DPP10: variants seen among roughly 807,000 people sequenced by gnomAD.
DPP10 encodes inactive dipeptidyl peptidase 10.
Under a neutral mutation model 120.9 loss-of-function variants are expected in DPP10, and 33 were observed. The observed-to-expected ratio is 0.27, with a 90% confidence interval of 0.21 to 0.37. DPP10 has a LOEUF of 0.37. Ranked by LOEUF, DPP10 falls within the 10% of genes least tolerant of loss-of-function variation. DPP10 has a pLI of 1.00. For synonymous variants in DPP10, 337 were observed against 326.1 expected, an observed-to-expected ratio of 1.03 and a Z score of -0.36; for missense variants, 816 against 942.8, an observed-to-expected ratio of 0.87 and a Z score of 1.76.
chr2:115,208,485 CA>C (rs1228170201), intron 1 of DPP10, among the ~76,000 whole-genome samples: 1 of 152,134 alleles, frequency 6.6e-6, no homozygotes, highest in African/African-American at 2.4e-5. Context: ...GGTCTCATAG[CA>C]GAAGAGAAAT....
chr2:114,480,195 G>A (rs1446563372), intron 1 of DPP10, among the ~76,000 whole-genome samples: 11 of 151,104 alleles, frequency 7.3e-5, no homozygotes, highest in Non-Finnish European at 1.5e-4. Context: ...TCATTAAAAA[G>A]TCAGGAAACA....
At chr2:115,772,708 C>T (rs1379789097) in intron 13 of DPP10, among the ~76,000 whole-genome samples, 1 of 152,134 alleles carries the variant, frequency 6.6e-6, no homozygotes, top group Non-Finnish European at 1.5e-5. Context: ...GTTATGTTGA[C>T]TTCAAACTTC....
intron 1 of DPP10, among the ~76,000 whole-genome samples, chr2:114,862,072 A>G (rs557097975): frequency 2.6e-5 from 4 of 152,320 alleles, no homozygotes; most frequent in African/African-American, 9.6e-5. Flanking sequence ...TTTATTAAAA[A>G]TACCTGTAAA....
Position 114,689,486 on chromosome 2 carries a change from A to G in DPP10, c.60+246648A>G, listed in dbSNP as rs572013903. ...ATATTCCTTATTCAATCTATCATTGATGGGCATTTAGGTTGATTCCCTGTC... is the reference window on the plus strand; with the variant it reads ...ATATTCCTTATTCAATCTATCATTGGTGGGCATTTAGGTTGATTCCCTGTC... On this transcript the variant is annotated intron_variant, in intron 1 of 25. Coordinates refer to ENST00000410059, the MANE Select transcript of DPP10 (RefSeq NM_020868.6). 1.1e-3 allele frequency among the ~76,000 whole-genome samples: 161 copies of G among 152,122 alleles called. 1 individual carries two copies. The highest frequency in any genetic ancestry group is 2.1e-3 in the Non-Finnish European group (146 of 67,950).
chr2:115,608,544 A>T (rs576418412), intron 5 of DPP10, among the ~76,000 whole-genome samples: 1 of 152,288 alleles, frequency 6.6e-6, no homozygotes, highest in Non-Finnish European at 1.5e-5. Flanking sequence ...AGTTGTTCCA[A>T]ATAAAATGGG....
intron 1 of DPP10, among the ~76,000 whole-genome samples, chr2:114,564,849 CTGTT>C: frequency 6.6e-6 from 1 of 152,214 alleles, no homozygotes; most frequent in Middle Eastern, 3.4e-3. Flanking sequence ...CTGTGGTGCA[CTGTT>C]TGTTTTGTTT....
chr2:114,462,972 C>T (rs558311708), intron 1 of DPP10, among the ~76,000 whole-genome samples: 2 of 152,282 alleles, frequency 1.3e-5, no homozygotes, highest in African/African-American at 2.4e-5. Flanking sequence ...CTTTCTGATA[C>T]CATCATAAGC....
At chr2:114,892,804 A>G (rs1692648463) in intron 1 of DPP10, among the ~76,000 whole-genome samples, 1 of 152,072 alleles carries the variant, frequency 6.6e-6, no homozygotes, top group South Asian at 2.1e-4. Flanking sequence ...TATCTTTTTT[A>G]TGTGGACAAG....
At chr2:115,813,515 AC>A (rs1225077763) in intron 19 of DPP10, among the ~76,000 whole-genome samples, 1 of 152,194 alleles carries the variant, frequency 6.6e-6, no homozygotes, top group Non-Finnish European at 1.5e-5. Flanking sequence ...TTTTTAAAGG[AC>A]CTATCTCCAA....
intron 1 of DPP10, among the ~76,000 whole-genome samples, chr2:115,303,404 G>T (rs1178337010): frequency 5.9e-5 from 9 of 151,778 alleles, no homozygotes; most frequent in Admixed American, 4.6e-4. Context: ...AGAAGGAAAA[G>T]AAATGCACAT....
At chr2:115,031,041 T>C (rs1396735195) in intron 1 of DPP10, among the ~76,000 whole-genome samples, 1 of 152,184 alleles carries the variant, frequency 6.6e-6, no homozygotes, top group Non-Finnish European at 1.5e-5. Flanking sequence ...AAACTGGAAG[T>C]TCCTTTTGCA....
rs115152630 is a variant in DPP10, at chr2:115,135,956, C to G, written c.61-173283C>G. 3.4e-3 allele frequency among the ~76,000 whole-genome samples: 511 copies of G among 152,146 alleles called. 2 individuals carry two copies. Among genetic ancestry groups the G allele is most frequent in the African/African-American group, 0.012 (490 of 41,500 alleles). On this transcript the variant is annotated intron_variant, in intron 1 of 25. Transcript: ENST00000410059. ...CCTTGAGCTTGAGCAGTCAGGCTTG[C>G]TAATTTGACCTCCTATTGTCATTTA...
intron 1 of DPP10, among the ~76,000 whole-genome samples, chr2:114,569,382 C>G (rs1057221297): frequency 6.6e-6 from 1 of 152,172 alleles, no homozygotes; most frequent in Admixed American, 6.5e-5. Flanking sequence ...AATAAACACT[C>G]CCAACTTTGC....
chr2:115,697,995 A>C (rs564960218), intron 7 of DPP10, among the ~76,000 whole-genome samples: 8 of 152,086 alleles, frequency 5.3e-5, no homozygotes, highest in Non-Finnish European at 1.2e-4. Flanking sequence ...CAAATAAATA[A>C]ACAAATAAAA....
intron 1 of DPP10, among the ~76,000 whole-genome samples, chr2:114,966,761 G>A (rs886813772): frequency 1.3e-5 from 2 of 152,344 alleles, no homozygotes; most frequent in Non-Finnish European, 2.9e-5. Flanking sequence ...ACAAGAGAAG[G>A]CTGGGTGCAG....
intron 1 of DPP10, among the ~76,000 whole-genome samples, chr2:114,978,880 T>C (rs2104840566): frequency 6.6e-6 from 1 of 152,258 alleles, no homozygotes; most frequent in African/African-American, 2.4e-5. Context: ...GAATTATAGT[T>C]ATTTCCTTCT....
At chr2:114,536,461 A>T (rs1290934019) in intron 1 of DPP10, among the ~76,000 whole-genome samples, 2 of 134,406 alleles carry the variant, frequency 1.5e-5, no homozygotes, top group African/African-American at 2.9e-5. Context: ...GCTGGAGTGC[A>T]GTGGTGCCAT....
chr2:114,981,999 A>C (rs1475926589), intron 1 of DPP10, among the ~76,000 whole-genome samples: 2 of 151,374 alleles, frequency 1.3e-5, no homozygotes, highest in African/African-American at 4.9e-5. Context: ...GGTTCAAGTG[A>C]TCCTCCCACC....
At chr2:114,529,567 A>G (rs1250949525) in intron 1 of DPP10, among the ~76,000 whole-genome samples, 1 of 151,900 alleles carries the variant, frequency 6.6e-6, no homozygotes, top group Non-Finnish European at 1.5e-5. Flanking sequence ...TTGCCATGGG[A>G]CCTCCAGTTT....
Sources: allele counts gnomAD v4.1 joint callset (sites outside exome capture counted in the v4.1 genomes callset), GRCh38; gene constraint gnomAD v4.1.1; transcripts MANE v1.5; gene names NCBI Gene and HGNC (gene_info 2026-07-23, HGNC 2026-07-21).